RIMS1: variants seen among roughly 807,000 people sequenced by gnomAD.
RIMS1 encodes the protein regulating synaptic membrane exocytosis protein 1.
A neutral mutation model predicts 214.1 loss-of-function variants in RIMS1; 83 were observed. The observed-to-expected ratio is 0.39, with a 90% confidence interval of 0.32 to 0.47. The LOEUF (loss-of-function observed/expected upper bound fraction) is 0.47. Among genes scored for constraint, RIMS1 ranks in the 20% least tolerant of loss-of-function variants. RIMS1 has a pLI of 0.99. For missense variants in RIMS1, 2,050 were observed against 2,161.8 expected, an observed-to-expected ratio of 0.95 and a Z score of 1.03; for synonymous variants, 793 against 786.8, an observed-to-expected ratio of 1.01 and a Z score of -0.13.
Position 72,085,399 on chromosome 6 carries a change from C to T in RIMS1, c.246-11550C>T, listed in dbSNP as rs140700646. Among the ~76,000 whole-genome samples the T allele has an allele frequency of 3.9e-3, 599 of 152,196 alleles. 11 individuals are homozygous for T. The highest frequency in any genetic ancestry group is 0.019 in the Admixed American group (297 of 15,286). ...TAAAACTCACATATACAAATGTGCA[C>T]ATTTCTGTGATTCACAAAATTGTAA... On this transcript the variant is annotated intron_variant, in intron 2 of 33. Transcript: ENST00000521978.
chr6:72,093,639 T>C (rs1173950429), intron 2 of RIMS1, among the ~76,000 whole-genome samples: 2 of 152,174 alleles, frequency 1.3e-5, no homozygotes, highest in Non-Finnish European at 2.9e-5. Context: ...ATGTATAACA[T>C]TTGTGATTCC....
At chr6:72,284,654 T>G (rs1003812475) in intron 24 of RIMS1, among the ~76,000 whole-genome samples, 1 of 147,372 alleles carries the variant, frequency 6.8e-6, no homozygotes, top group Non-Finnish European at 1.5e-5. Context: ...TCCACAAAGG[T>G]TTTAAGTATT....
intron 2 of RIMS1, among the ~76,000 whole-genome samples, chr6:72,077,153 T>C (rs999643225): frequency 6.6e-6 from 1 of 152,176 alleles, no homozygotes; most frequent in African/African-American, 2.4e-5. Context: ...CTCCTCGTCC[T>C]TCAGGATCCC....
intron 19 of RIMS1, chr6:72,263,773 G>A: frequency 1.1e-6 from 1 of 890,320 alleles, no homozygotes; most frequent in Non-Finnish European, 1.3e-6. Context: ...AGACCAGTGT[G>A]GCCAACATGG....
chr6:72,270,484 G>A (rs1046419066), intron 22 of RIMS1, among the ~76,000 whole-genome samples: 1 of 152,060 alleles, frequency 6.6e-6, no homozygotes, highest in African/African-American at 2.4e-5. Flanking sequence ...GGAGTTTAGG[G>A]GCTTAAAAAA....
At chr6:72,167,367 G>C (rs1473127836) in intron 4 of RIMS1, among the ~76,000 whole-genome samples, 1 of 151,836 alleles carries the variant, frequency 6.6e-6, no homozygotes, top group East Asian at 1.9e-4. Context: ...AGAGACATTA[G>C]TTTTTAATTT....
chr6:72,353,519 A>G (rs929992646), intron 29 of RIMS1, among the ~76,000 whole-genome samples: 1 of 152,226 alleles, frequency 6.6e-6, no homozygotes, highest in Non-Finnish European at 1.5e-5. Flanking sequence ...GACTGCATAA[A>G]GCTTAGCCAT....
intron 2 of RIMS1, among the ~76,000 whole-genome samples, chr6:72,008,435 C>G (rs1808750282): frequency 1.3e-5 from 2 of 152,120 alleles, no homozygotes; most frequent in African/African-American, 2.4e-5. Flanking sequence ...AAATAACCAG[C>G]TAACATCATA....
At chr6:72,134,269 TTTA>T (rs2040916334) in intron 4 of RIMS1, among the ~76,000 whole-genome samples, 1 of 151,940 alleles carries the variant, frequency 6.6e-6, no homozygotes, top group South Asian at 2.1e-4. Context: ...AAATACATAC[TTTA>T]TTATTGTGAA....
chr6:72,190,157 G>T (rs1476767515), intron 6 of RIMS1, among the ~76,000 whole-genome samples: 1 of 152,164 alleles, frequency 6.6e-6, no homozygotes, highest in African/African-American at 2.4e-5. Flanking sequence ...GTCCTTCAGG[G>T]ATGTCCTAGA....
chr6:72,373,718 A>C (rs1172080987), intron 29 of RIMS1, among the ~76,000 whole-genome samples: 2 of 152,290 alleles, frequency 1.3e-5, no homozygotes, highest in East Asian at 3.9e-4. Flanking sequence ...AGAATCATTA[A>C]ATACTGTACT....
intron 2 of RIMS1, among the ~76,000 whole-genome samples, chr6:72,064,834 A>G (rs1053836935): frequency 2.6e-5 from 4 of 152,024 alleles, no homozygotes; most frequent in African/African-American, 9.7e-5. Flanking sequence ...TAAAATGATG[A>G]ATTTTGTTTG....
chr6:71,904,746 A>G (rs1774747233), intron 1 of RIMS1, among the ~76,000 whole-genome samples: 1 of 152,200 alleles, frequency 6.6e-6, no homozygotes, highest in South Asian at 2.1e-4. Flanking sequence ...ACAAAATGGA[A>G]TATATAAGTC....
At chr6:72,387,112 A>C (rs117720643) in intron 29 of RIMS1, among the ~76,000 whole-genome samples, 2 of 151,970 alleles carry the variant, frequency 1.3e-5, no homozygotes, top group East Asian at 3.9e-4. Context: ...ATCCATCCAT[A>C]TATCTCCAGC....
intron 2 of RIMS1, among the ~76,000 whole-genome samples, chr6:71,972,506 T>C (rs780004188): frequency 2.0e-5 from 3 of 152,222 alleles, no homozygotes; most frequent in Admixed American, 6.5e-5. Flanking sequence ...GATACACATG[T>C]CAATATACTT....
intron 1 of RIMS1, among the ~76,000 whole-genome samples, chr6:71,943,125 A>G (rs1412517493): frequency 2.0e-5 from 3 of 152,196 alleles, no homozygotes; most frequent in Non-Finnish European, 4.4e-5. Context: ...AAAGAAAGAA[A>G]AAATATTTTT....
intron 6 of RIMS1, chr6:72,212,847 C>T (rs2496534): frequency 0.4 from 438,182 of 1,099,368 alleles, 92,077 homozygotes; most frequent in East Asian, 0.85. Context: ...CCAGGCCCAC[C>T]GAAGCTTGTC....
At chr6:72,113,565 C>A (rs1038908066) in intron 4 of RIMS1, among the ~76,000 whole-genome samples, 1 of 152,096 alleles carries the variant, frequency 6.6e-6, no homozygotes, top group South Asian at 2.1e-4. Flanking sequence ...ACATTTTACA[C>A]GATTAATTTT....
intron 29 of RIMS1, among the ~76,000 whole-genome samples, chr6:72,337,673 T>C (rs942107342): frequency 2.0e-5 from 3 of 151,110 alleles, no homozygotes; most frequent in African/African-American, 7.3e-5. Flanking sequence ...ATGTGCCATG[T>C]TGGTGTGCTG....
Sources: allele counts gnomAD v4.1 joint callset (sites outside exome capture counted in the v4.1 genomes callset), GRCh38; gene constraint gnomAD v4.1.1; transcripts MANE v1.5; gene names NCBI Gene and HGNC (gene_info 2026-07-23, HGNC 2026-07-21).